TBL1XR1: variants seen among roughly 807,000 people sequenced by gnomAD.
TBL1XR1 encodes F-box-like/WD repeat-containing protein TBL1XR1.
In TBL1XR1, 5 loss-of-function variants were observed where a neutral mutation model predicts 66.9. The ratio of observed to expected loss-of-function variants is 0.07; its 90% CI spans 0.04 to 0.16. The LOEUF (loss-of-function observed/expected upper bound fraction) is 0.16. Among genes scored for constraint, TBL1XR1 ranks in the 10% least tolerant of loss-of-function variants. The probability of loss-of-function intolerance (pLI) is 1.00; values close to 1 mark genes in which losing one functional copy is unlikely to be tolerated. For synonymous variants in TBL1XR1, 210 were observed against 206.0 expected (o/e 1.02, Z -0.17); for missense variants, 238 against 623.2 (o/e 0.38, Z 6.58).
At chr3:177,190,912 A>G (rs1736060012) in intron 1 of TBL1XR1, among the ~76,000 whole-genome samples, 1 of 152,204 alleles carries the variant, frequency 6.6e-6, no homozygotes. Flanking sequence ...CAACAAAACA[A>G]TAAACAGTTA....
rs1442533450 is a variant in TBL1XR1, at chr3:177,148,398, A to C, written c.-122+48723T>G. Among the ~76,000 whole-genome samples, 5 of 152,232 alleles carry C rather than the reference A, an allele frequency of 3.3e-5. No individual in the cohort carries two copies. The East Asian group carries it at 7.7e-4, about 23-fold the overall frequency. On this transcript the variant is annotated intron_variant, in intron 1 of 15. Transcript: ENST00000457928. ...AAATTCCCAGCTTCTCTTATGGCTA[A>C]AGACATGGCATACTCTTTGATCTCA...
Position 177,135,313 on chromosome 3 carries a change from G to C in TBL1XR1, c.-121-36772C>G, listed in dbSNP as rs1381915024. 3.7e-3 allele frequency among the ~76,000 whole-genome samples: 351 copies of C among 95,088 alleles called. 25 individuals carry two copies. Among genetic ancestry groups the C allele is most frequent in the African/African-American group, 0.013 (319 of 25,436 alleles). The allele number at this position is 95,088 out of a possible 152,430, so 62.4% of individuals were successfully genotyped here. On this transcript the variant is annotated intron_variant, in intron 1 of 15. Coordinates refer to ENST00000457928, the MANE Select transcript of TBL1XR1 (RefSeq NM_024665.7). ...CACCGCACAAGGCCGCACTCTGTGTGTGTGTGTGTGTGTGTGTGTGTATAC... is the reference window on the plus strand; with the variant it reads ...CACCGCACAAGGCCGCACTCTGTGTCTGTGTGTGTGTGTGTGTGTGTATAC...
At chr3:177,030,131 T>TATAG (rs1553807252) in intron 14 of TBL1XR1, among the ~76,000 whole-genome samples, 5 of 149,388 alleles carry the variant, frequency 3.3e-5, no homozygotes, top group African/African-American at 1.2e-4. Flanking sequence ...TATATATATA[T>TATAG]AGAGAGAGAG....
intron 12 of TBL1XR1, 60 bp downstream of exon 12, chr3:177,038,038 G>T: frequency 6.8e-7 from 1 of 1,470,642 alleles, no homozygotes; most frequent in Non-Finnish European, 9.5e-7. Flanking sequence ...GTCTTAAAAT[G>T]GCCAGAGCAA....
At chr3:177,090,830 T>A (rs73039643) in intron 2 of TBL1XR1, among the ~76,000 whole-genome samples, 6,425 of 150,852 alleles carry the variant, frequency 0.043, 489 homozygotes, top group African/African-American at 0.15. Flanking sequence ...AAAATAGAAG[T>A]TAAAACAATT....
chr3:177,065,096 C>A, intron 2 of TBL1XR1, 74 bp from the exon 3 acceptor site: 1 of 985,686 alleles, frequency 1.0e-6, no homozygotes, highest in Non-Finnish European at 1.4e-6. Context: ...GTTGTAAAAA[C>A]CATTTGATTT....
intron 1 of TBL1XR1, among the ~76,000 whole-genome samples, chr3:177,144,794 C>T (rs546342808): frequency 2.0e-5 from 3 of 152,264 alleles, no homozygotes; most frequent in Admixed American, 1.3e-4. Context: ...CCATAACCTA[C>T]ACATAAATTA....
At chr3:177,034,415 C>G in intron 12 of TBL1XR1, 90 bp from the exon 13 acceptor site, 1 of 865,888 alleles carries the variant, frequency 1.2e-6, no homozygotes, top group South Asian at 2.8e-5. Context: ...ATTATATGGA[C>G]AGTCTAAAAC....
chr3:177,172,541 T>C (rs1319534551), intron 1 of TBL1XR1, among the ~76,000 whole-genome samples: 1 of 151,164 alleles, frequency 6.6e-6, no homozygotes, highest in Non-Finnish European at 1.5e-5. Flanking sequence ...GAGGATCGCA[T>C]GAGCCCAGGA....
intron 1 of TBL1XR1, among the ~76,000 whole-genome samples, chr3:177,168,990 CT>C (rs571421869): frequency 5.5e-3 from 833 of 151,714 alleles, no homozygotes; most frequent in Non-Finnish European, 8.7e-3. Flanking sequence ...AAGTGATTAA[CT>C]TTTTTTTTCT....
rs774553210 is a variant in TBL1XR1, at chr3:177,053,920, T to TA, written c.59-3dup. 5.0e-6 allele frequency: 8 copies of TA among 1,597,440 alleles called. No homozygotes were observed. In the African/African-American group the frequency reaches 9.5e-5, roughly 19 times the overall value. ...AGGTAAATGCTGAATGAGAAAATCC[T>TA]AAAAACAAAAGAAAAGGCATGAGAA... On this transcript the variant is annotated splice_region_variant and splice_polypyrimidine_tract_variant and intron_variant, in intron 3 of 15. Coordinates refer to ENST00000457928, the MANE Select transcript of TBL1XR1 (RefSeq NM_024665.7).
chr3:177,185,636 T>A (rs745885210), intron 1 of TBL1XR1, among the ~76,000 whole-genome samples: 6 of 151,634 alleles, frequency 4.0e-5, no homozygotes, highest in African/African-American at 1.2e-4. Flanking sequence ...TTTCTGACCC[T>A]TTGTCTTTTC....
chr3:177,107,696 C>T (rs916725689), intron 1 of TBL1XR1, among the ~76,000 whole-genome samples: 3 of 152,004 alleles, frequency 2.0e-5, no homozygotes, highest in African/African-American at 4.8e-5. Flanking sequence ...ATACACCATC[C>T]GGGGATCATG....
intron 1 of TBL1XR1, among the ~76,000 whole-genome samples, chr3:177,108,892 G>A (rs1487449809): frequency 1.3e-5 from 2 of 152,068 alleles, no homozygotes; most frequent in Admixed American, 6.6e-5. Context: ...CATAAGTTGT[G>A]GCAATACTAG....
chr3:177,104,560 T>C (rs1201290), intron 1 of TBL1XR1, among the ~76,000 whole-genome samples: 50,637 of 152,052 alleles, frequency 0.33, 8,720 homozygotes, highest in East Asian at 0.53. Flanking sequence ...CTTAAGTGAC[T>C]CTGAGATCAG....
At chr3:177,187,408 A>G (rs1043813435) in intron 1 of TBL1XR1, among the ~76,000 whole-genome samples, 1 of 150,782 alleles carries the variant, frequency 6.6e-6, no homozygotes, top group Non-Finnish European at 1.5e-5. Flanking sequence ...AAAAAAAAAA[A>G]GAATCCTAGG....
At chr3:177,191,627 C>T (rs368331656) in intron 1 of TBL1XR1, among the ~76,000 whole-genome samples, 1 of 152,124 alleles carries the variant, frequency 6.6e-6, no homozygotes, top group Admixed American at 6.6e-5. Flanking sequence ...AGATAAGGCT[C>T]ATAGAGGAAC....
chr3:177,104,370 GA>G, intron 1 of TBL1XR1, among the ~76,000 whole-genome samples: 1 of 152,226 alleles, frequency 6.6e-6, no homozygotes, highest in South Asian at 2.1e-4. Flanking sequence ...TTACAAAAAG[GA>G]ATGTTAGTAT....
At chr3:177,100,568 G>GT (rs771942872) in intron 1 of TBL1XR1, among the ~76,000 whole-genome samples, 80 of 152,024 alleles carry the variant, frequency 5.3e-4, no homozygotes, top group Non-Finnish European at 9.9e-4. Context: ...GGCACTACAG[G>GT]TACAAGCCAC....
Sources: gnomAD v4.1 joint callset for allele counts (sites outside exome capture counted in the v4.1 genomes callset) on GRCh38, gnomAD v4.1.1 for gene constraint, MANE v1.5 for transcripts, NCBI Gene and HGNC (gene_info 2026-07-23, HGNC 2026-07-21) for gene names.